SPATA22: variants seen among roughly 807,000 people sequenced by gnomAD.
The protein encoded by SPATA22 is spermatogenesis-associated protein 22.
Under a neutral mutation model 47.8 loss-of-function variants are expected in SPATA22, and 29 were observed. The ratio of observed to expected loss-of-function variants is 0.61; its 90% CI spans 0.45 to 0.83. The LOEUF (loss-of-function observed/expected upper bound fraction) is 0.83. SPATA22 is among the 40% of genes least tolerant of loss of function. The pLI is 0.00. For missense variants in SPATA22, 410 were observed against 421.7 expected, an observed-to-expected ratio of 0.97 and a Z score of 0.24; for synonymous variants, 133 against 140.9, an observed-to-expected ratio of 0.94 and a Z score of 0.40.
At chr17:3,464,490 G>A (rs527873732) in intron 3 of SPATA22, among the ~76,000 whole-genome samples, 1 of 135,720 alleles carries the variant, frequency 7.4e-6, no homozygotes, top group East Asian at 2.1e-4. Context: ...AGTCTGGAAA[G>A]TGAGGAGTGT....
At chr17:3,464,694 C>T (rs1163722420) in intron 3 of SPATA22, among the ~76,000 whole-genome samples, 3 of 148,962 alleles carry the variant, frequency 2.0e-5, no homozygotes, top group African/African-American at 7.4e-5. Flanking sequence ...AGGTGAGGAG[C>T]GTCTCTGCCC....
chr17:3,498,591 C>T (rs765017724), intron 1 of SPATA22, among the ~76,000 whole-genome samples: 14 of 152,176 alleles, frequency 9.2e-5, no homozygotes, highest in Non-Finnish European at 1.8e-4. Flanking sequence ...AAGCGATCCA[C>T]CCACATTGGC....
intron 5 of SPATA22, among the ~76,000 whole-genome samples, chr17:3,457,611 G>A (rs1040386022): frequency 1.3e-5 from 2 of 152,060 alleles, no homozygotes; most frequent in South Asian, 2.1e-4. Flanking sequence ...AAACAGTATG[G>A]TACTGGTATT....
intron 8 of SPATA22, 147 bp downstream of exon 8, chr17:3,443,027 T>C (rs2072631925): frequency 3.3e-6 from 2 of 609,434 alleles, no homozygotes; most frequent in Non-Finnish European, 5.6e-6. Flanking sequence ...CTCTATATTA[T>C]AAAAATAAAC....
chr17:3,479,362 CAG>C (rs2073588201), intron 1 of SPATA22, among the ~76,000 whole-genome samples: 1 of 152,164 alleles, frequency 6.6e-6, no homozygotes, highest in South Asian at 2.1e-4. Context: ...GGCGCGACCT[CAG>C]GGGGTTATTT....
intron 1 of SPATA22, chr17:3,483,595 A>G: frequency 6.2e-7 from 1 of 1,606,370 alleles, no homozygotes; most frequent in Non-Finnish European, 8.5e-7. Flanking sequence ...TCCTGTGGGT[A>G]AGTCATAGTT....
chr17:3,485,280 G>A lies in SPATA22; in HGVS notation c.-73-15882C>T, dbSNP rs1418467273. On this transcript the variant is annotated intron_variant, in intron 1 of 8. Transcript: ENST00000541913. This position sits in a 1 kb window ranked among gnomAD's most constrained non-coding sequence, Gnocchi z 4.4. ...CCACCTTGGCCTCCCAAAGTGCTGG[G>A]ATTACAAGCGTGAGCCACCACACCT... 2.6e-5 allele frequency among the ~76,000 whole-genome samples: 4 copies of A among 152,148 alleles called. No homozygotes were observed. The highest frequency in any genetic ancestry group is 2.0e-4 in the Admixed American group (3 of 15,278).
intron 1 of SPATA22, among the ~76,000 whole-genome samples, chr17:3,508,825 C>T (rs1022784223): frequency 1.2e-4 from 17 of 146,068 alleles, no homozygotes; most frequent in African/African-American, 4.1e-4. Flanking sequence ...GGGTGCAGCG[C>T]ACCAGCATGG....
chr17:3,482,678 G>A (rs1393019472), intron 1 of SPATA22, among the ~76,000 whole-genome samples: 2 of 152,040 alleles, frequency 1.3e-5, no homozygotes, highest in East Asian at 1.9e-4. Flanking sequence ...CTCATACCTG[G>A]CCTATAGTAA....
chr17:3,452,522 T>C (rs549572965), intron 5 of SPATA22, among the ~76,000 whole-genome samples: 3 of 151,426 alleles, frequency 2.0e-5, no homozygotes, highest in African/African-American at 7.3e-5. Context: ...AACCCGAGAG[T>C]GGAGGTTGCA....
At position 3,499,055 on chromosome 17, in the gene SPATA22, C is replaced by A. The variant is rs762310899; in HGVS notation, c.-74+14357G>T. The A allele has an allele frequency of 6.2e-7, 1 of 1,614,054 alleles. No homozygotes were observed. Among genetic ancestry groups the A allele is most frequent in the Non-Finnish European group, 8.5e-7 (1 of 1,179,988 alleles). On this transcript the variant is annotated intron_variant, in intron 1 of 8. Transcript: ENST00000541913. The stretch of plus-strand genomic sequence containing the variant: ...TTGCAAAGACAACTAAACTAACGCT[C>A]AATGCAAAAAGTATTCGCTGCTGTT...
intron 1 of SPATA22, among the ~76,000 whole-genome samples, chr17:3,493,601 G>A (rs564224662): frequency 2.1e-5 from 3 of 145,862 alleles, no homozygotes; most frequent in East Asian, 4.0e-4. Flanking sequence ...AAAAGAGCAC[G>A]ATACTGAAGT....
chr17:3,511,621 A>C (rs886052844), intron 1 of SPATA22: 1 of 152,258 alleles, frequency 6.6e-6, no homozygotes, highest in African/African-American at 2.4e-5. Context: ...TCCAATACAG[A>C]AAATGGTCTT....
chr17:3,506,681 T>A (rs1340084476), intron 1 of SPATA22, among the ~76,000 whole-genome samples: 1 of 152,222 alleles, frequency 6.6e-6, no homozygotes, highest in Admixed American at 6.5e-5. Flanking sequence ...CACAGGGACC[T>A]GTAATCCCAG....
At chr17:3,512,226 T>G (rs1037361883) in intron 1 of SPATA22, 1 of 152,266 alleles carries the variant, frequency 6.6e-6, no homozygotes, top group Non-Finnish European at 1.5e-5. Flanking sequence ...TCTTCTCTTC[T>G]CCAGAGGCCC....
At chr17:3,492,531 C>T (rs371617877) in intron 1 of SPATA22, among the ~76,000 whole-genome samples, 3 of 152,190 alleles carry the variant, frequency 2.0e-5, no homozygotes, top group African/African-American at 7.2e-5. Flanking sequence ...GAGATAGAGT[C>T]TATTTTTCCA....
chr17:3,471,333 C>T (rs2073429787), intron 1 of SPATA22: 1 of 767,822 alleles, frequency 1.3e-6, no homozygotes, highest in Non-Finnish European at 1.6e-6. Context: ...TATTATGTTT[C>T]TCAGGATCAA....
chr17:3,462,596 C>G lies in SPATA22; in HGVS notation c.234-18G>C. On this transcript the variant is annotated intron_variant, in intron 4 of 8. Transcript: ENST00000572969. ...GTATTTGCCTTTCAAGGGAATATGT[C>G]TTGTTAAATATTAATAGTTTGCTTT... The G allele has an allele frequency of 6.2e-7, 1 of 1,603,146 alleles. No individual in the cohort carries two copies.
intron 5 of SPATA22, among the ~76,000 whole-genome samples, chr17:3,453,677 A>C (rs1023443426): frequency 6.6e-6 from 1 of 152,174 alleles, no homozygotes. Context: ...AAATGCTCCA[A>C]AATTTGAAAC....
Sources: allele counts gnomAD v4.1 joint callset (sites outside exome capture counted in the v4.1 genomes callset), GRCh38; gene constraint gnomAD v4.1.1; non-coding constraint Gnocchi (gnomAD v3.1); transcripts MANE v1.5; gene names NCBI Gene and HGNC (gene_info 2026-07-23, HGNC 2026-07-21).